CADPS2: variants seen among roughly 807,000 people sequenced by gnomAD.
The protein encoded by CADPS2 is calcium dependent secretion activator 2, also known as calcium-dependent secretion activator 2.
CADPS2 carries 93 observed loss-of-function variants against 172.5 expected under a neutral mutation model. The ratio of observed to expected loss-of-function variants is 0.54; its 90% CI spans 0.46 to 0.64. The LOEUF is 0.64. CADPS2 is among the 30% of genes least tolerant of loss of function. CADPS2 has a pLI of 0.00. For missense variants in CADPS2, 1,420 were observed against 1,565.9 expected, an observed-to-expected ratio of 0.91 and a Z score of 1.57; for synonymous variants, 546 against 555.2, an observed-to-expected ratio of 0.98 and a Z score of 0.23.
intron 20 of CADPS2, among the ~76,000 whole-genome samples, chr7:122,404,010 AC>A (rs1451468770): frequency 1.6e-4 from 24 of 152,066 alleles, no homozygotes; most frequent in Admixed American, 1.6e-3. Flanking sequence ...TTTTTATTAT[AC>A]TTAAAGTTTT....
chr7:122,519,105 A>T (rs908434073), intron 8 of CADPS2, among the ~76,000 whole-genome samples: 4 of 152,034 alleles, frequency 2.6e-5, no homozygotes, highest in Non-Finnish European at 5.9e-5. Flanking sequence ...GGGGGAGGGA[A>T]TCCCCAATCA....
intron 1 of CADPS2, among the ~76,000 whole-genome samples, chr7:122,824,301 T>A (rs1020160219): frequency 2.0e-5 from 3 of 152,212 alleles, no homozygotes; most frequent in African/African-American, 7.2e-5. Context: ...TAGTAAGAGC[T>A]AAGGTCCATC....
chr7:122,457,109 T>A (rs980530452), intron 14 of CADPS2, among the ~76,000 whole-genome samples: 1 of 152,228 alleles, frequency 6.6e-6, no homozygotes, highest in African/African-American at 2.4e-5. Flanking sequence ...GGATGATTTC[T>A]GTGGTAAAAC....
chr7:122,687,750 A>G (rs1203212200), intron 2 of CADPS2, among the ~76,000 whole-genome samples: 5 of 152,190 alleles, frequency 3.3e-5, no homozygotes, highest in Non-Finnish European at 7.3e-5. Context: ...ATCTTATAAC[A>G]TAGTACATAG....
intron 3 of CADPS2, among the ~76,000 whole-genome samples, chr7:122,632,720 T>C (rs1587988101): frequency 6.6e-6 from 1 of 152,238 alleles, no homozygotes; most frequent in African/African-American, 2.4e-5. Context: ...CTTGTCAATT[T>C]TTGTTTTCAC....
At chr7:122,723,737 A>G (rs1449061292) in intron 2 of CADPS2, among the ~76,000 whole-genome samples, 1 of 152,208 alleles carries the variant, frequency 6.6e-6, no homozygotes, top group Non-Finnish European at 1.5e-5. Flanking sequence ...ACATATGTTT[A>G]TTGTGGCACC....
chr7:122,347,924 C>A (rs546518553), intron 27 of CADPS2, among the ~76,000 whole-genome samples: 7 of 152,166 alleles, frequency 4.6e-5, no homozygotes, highest in Non-Finnish European at 1.0e-4. Flanking sequence ...TGCTGCAGAA[C>A]GAAAGTGACA....
intron 25 of CADPS2, among the ~76,000 whole-genome samples, chr7:122,370,915 G>C (rs916259670): frequency 3.3e-5 from 5 of 152,062 alleles, no homozygotes; most frequent in Admixed American, 3.3e-4. Flanking sequence ...TTTTCTTGTG[G>C]GTCAACCTTT....
Position 122,513,323 on chromosome 7 carries a change from GAAAAAC to G in CADPS2, c.1476-14_1476-9del. 1 of 1,549,294 alleles carries G rather than the reference GAAAAAC, an allele frequency of 6.5e-7. No individual in the cohort carries two copies. Among genetic ancestry groups the G allele is most frequent in the Non-Finnish European group, 8.7e-7 (1 of 1,143,508 alleles). On this transcript the variant is annotated splice_polypyrimidine_tract_variant and intron_variant, in intron 8 of 29. Coordinates refer to ENST00000449022, the MANE Select transcript of CADPS2 (RefSeq NM_017954.11). ...CCAAGGGCATACAGATATCTGGAAA[GAAAAAC>G]AAAAGCCAAAGAATACTTCAGATGA...
chr7:122,470,442 T>C (rs2152146709), intron 14 of CADPS2, among the ~76,000 whole-genome samples: 1 of 152,170 alleles, frequency 6.6e-6, no homozygotes, highest in African/African-American at 2.4e-5. Context: ...AAATATGTAT[T>C]GAGCAAGATT....
At chr7:122,430,743 T>C (rs544161646) in intron 17 of CADPS2, among the ~76,000 whole-genome samples, 1 of 152,236 alleles carries the variant, frequency 6.6e-6, no homozygotes, top group Non-Finnish European at 1.5e-5. Context: ...TAACTGTTTC[T>C]ATGAAACATG....
intron 17 of CADPS2, among the ~76,000 whole-genome samples, chr7:122,418,159 G>A (rs1486263250): frequency 1.4e-5 from 2 of 148,090 alleles, no homozygotes; most frequent in African/African-American, 2.5e-5. Flanking sequence ...GACAGAGGGA[G>A]ACTCCATCTC....
At chr7:122,698,193 T>G in intron 2 of CADPS2, 2 of 1,613,972 alleles carry the variant, frequency 1.2e-6, no homozygotes, top group Non-Finnish European at 1.7e-6. Context: ...CCCCCTCTTT[T>G]ACTACTCGAA....
chr7:122,509,202 A>C (rs545991167), intron 9 of CADPS2, among the ~76,000 whole-genome samples: 13 of 152,142 alleles, frequency 8.5e-5, no homozygotes, highest in Non-Finnish European at 1.8e-4. Flanking sequence ...ATATTTCAGA[A>C]ATCAATAGGA....
intron 24 of CADPS2, among the ~76,000 whole-genome samples, chr7:122,384,776 CACCT>C (rs1241118083): frequency 6.6e-6 from 1 of 152,030 alleles, no homozygotes; most frequent in African/African-American, 2.4e-5. Flanking sequence ...CAAAACCACC[CACCT>C]ATTAATGTAA....
intron 24 of CADPS2, among the ~76,000 whole-genome samples, chr7:122,385,049 G>T (rs1399495186): frequency 6.6e-6 from 1 of 151,978 alleles, no homozygotes; most frequent in Non-Finnish European, 1.5e-5. Context: ...AAAAGAATGG[G>T]TTTATGAGGA....
At chr7:122,513,352 T>C in intron 8 of CADPS2, 37 bp from the exon 9 acceptor site, 1 of 1,415,884 alleles carries the variant, frequency 7.1e-7, no homozygotes, top group Non-Finnish European at 9.7e-7. Context: ...ATACTTCAGA[T>C]GAATAATGTT....
chr7:122,659,821 A>G (rs1043394418), intron 3 of CADPS2, among the ~76,000 whole-genome samples: 1 of 152,170 alleles, frequency 6.6e-6, no homozygotes, highest in East Asian at 1.9e-4. Flanking sequence ...CTCATCAGAA[A>G]TCATGCAAAC....
intron 20 of CADPS2, among the ~76,000 whole-genome samples, chr7:122,398,420 A>C (rs551917836): frequency 2.0e-5 from 3 of 152,294 alleles, no homozygotes; most frequent in Admixed American, 2.0e-4. Context: ...AGAAAGAATG[A>C]TTTTTCTCCT....
Sources: gnomAD v4.1 joint callset for allele counts (sites outside exome capture counted in the v4.1 genomes callset) on GRCh38, gnomAD v4.1.1 for gene constraint, MANE v1.5 for transcripts, NCBI Gene and HGNC (gene_info 2026-07-23, HGNC 2026-07-21) for gene names.